The following TENM3 variants were observed in gnomAD, a reference collection of about 807,000 sequenced individuals.
TENM3 encodes teneurin-3.
Under a neutral mutation model 255.1 loss-of-function variants are expected in TENM3, and 63 were observed. That is an observed-to-expected ratio of 0.25 (90% CI 0.20 to 0.30). TENM3 has a LOEUF of 0.30. Among genes scored for constraint, TENM3 ranks in the 10% least tolerant of loss-of-function variants. TENM3 has a pLI of 1.00. For synonymous variants in TENM3, 1,306 were observed against 1,322.3 expected (o/e 0.99, Z 0.27); for missense variants, 2,929 against 3,461.1 (o/e 0.85, Z 3.86).
At chr4:181,745,720 G>A in the TENM3 span, among the ~76,000 whole-genome samples, 1 of 152,166 alleles carries the variant, frequency 6.6e-6, no homozygotes, top group Non-Finnish European at 1.5e-5. Flanking sequence ...ATCAGCTGAG[G>A]CTGAGGATTG....
At chr4:181,887,884 C>T in the TENM3 span, among the ~76,000 whole-genome samples, 1 of 152,268 alleles carries the variant, frequency 6.6e-6, no homozygotes, top group Non-Finnish European at 1.5e-5. Flanking sequence ...AAGGATTTAA[C>T]TTTTGGCTAT....
At chr4:182,657,503 T>A (rs918592089) in intron 6 of TENM3, among the ~76,000 whole-genome samples, 37 of 152,188 alleles carry the variant, frequency 2.4e-4, no homozygotes, top group Non-Finnish European at 2.9e-4. Flanking sequence ...TCCCATTCTC[T>A]CTTCAGAATG....
intron 3 of TENM3, among the ~76,000 whole-genome samples, chr4:182,514,060 G>A (rs1312964718): frequency 6.6e-6 from 1 of 152,160 alleles, no homozygotes; most frequent in Non-Finnish European, 1.5e-5. Flanking sequence ...GCTTCTTTTT[G>A]TGGCCCTGTT....
rs201572631 is a variant in TENM3 at position 182,255,150 on chromosome 4, G to T, written c.-76+11674G>T. 2.3e-4 allele frequency among the ~76,000 whole-genome samples: 35 copies of T among 152,166 alleles called. No individual in the cohort carries two copies. In the East Asian group the frequency reaches 5.2e-3, roughly 23 times the overall value. ...TAGAGCTTAATTTTTGTGTCATTTGGCAAGGATGACAGCCCTGTGGGACCC... is the reference window on the plus strand; with the variant it reads ...TAGAGCTTAATTTTTGTGTCATTTGTCAAGGATGACAGCCCTGTGGGACCC... On this transcript the variant is annotated intron_variant, in intron 1 of 27. Transcript: ENST00000511685.
chr4:182,480,052 AGG>A (rs1426163883), intron 3 of TENM3, among the ~76,000 whole-genome samples: 3 of 152,020 alleles, frequency 2.0e-5, no homozygotes, highest in African/African-American at 7.2e-5. Context: ...GGATAGCAAC[AGG>A]AAGTATTTGA....
intron 1 of TENM3, chr4:182,145,266 GA>G: frequency 6.6e-6 from 1 of 152,392 alleles, no homozygotes; most frequent in Non-Finnish European, 1.5e-5. Flanking sequence ...GAGCCAAGTT[GA>G]AAAGGAGTGA....
the TENM3 span, among the ~76,000 whole-genome samples, chr4:181,491,174 TA>T: frequency 6.6e-6 from 1 of 152,080 alleles, no homozygotes; most frequent in Non-Finnish European, 1.5e-5. Flanking sequence ...CTGACTTTAT[TA>T]AGACAGAATG....
At chr4:182,093,046 C>T in the TENM3 span, among the ~76,000 whole-genome samples, 1 of 152,282 alleles carries the variant, frequency 6.6e-6, no homozygotes, top group South Asian at 2.1e-4. Context: ...CTCTTAATGT[C>T]ACTTGACTAT....
chr4:182,089,426 C>G, the TENM3 span, among the ~76,000 whole-genome samples: 365 of 152,258 alleles, frequency 2.4e-3, 1 homozygote, highest in Non-Finnish European at 4.4e-3. Flanking sequence ...TATGCCCCAA[C>G]CTAAATCTTT....
At chr4:182,329,878 T>C (rs765770945) in intron 2 of TENM3, among the ~76,000 whole-genome samples, 3 of 152,106 alleles carry the variant, frequency 2.0e-5, no homozygotes, top group African/African-American at 7.2e-5. Flanking sequence ...GACAACACCA[T>C]GCACACACAC....
the TENM3 span, among the ~76,000 whole-genome samples, chr4:181,634,413 T>C: frequency 6.7e-6 from 1 of 149,896 alleles, no homozygotes. Flanking sequence ...TGCAAGAGAC[T>C]TTATTTCCTT....
intron 3 of TENM3, among the ~76,000 whole-genome samples, chr4:182,383,223 G>C (rs1767688064): frequency 1.3e-5 from 2 of 152,108 alleles, no homozygotes; most frequent in South Asian, 4.1e-4. Flanking sequence ...CTGATGGTAG[G>C]CCAAGGACTT....
chr4:182,010,851 G>A, the TENM3 span, among the ~76,000 whole-genome samples: 1 of 152,144 alleles, frequency 6.6e-6, no homozygotes, highest in Non-Finnish European at 1.5e-5. Context: ...TAAATCCAAG[G>A]AACAAGTTTA....
Position 182,530,109 on chromosome 4 carries a change from A to G in TENM3, c.512-70815A>G, listed in dbSNP as rs960174614. Among the ~76,000 whole-genome samples the G allele has an allele frequency of 3.9e-5, 6 of 152,374 alleles. 2 individuals carry two copies. Among genetic ancestry groups the G allele is most frequent in the Admixed American group, 3.9e-4 (6 of 15,308 alleles). Reference sequence around the variant, plus strand: ...AAATTGTAGATGTGGCCAACATCTCATCCACAACTTGTTCACAAACATATT... The same window carrying G: ...AAATTGTAGATGTGGCCAACATCTCGTCCACAACTTGTTCACAAACATATT... On this transcript the variant is annotated intron_variant, in intron 3 of 27. Coordinates refer to ENST00000511685, the MANE Select transcript of TENM3 (RefSeq NM_001080477.4).
At chr4:181,870,532 G>A in the TENM3 span, among the ~76,000 whole-genome samples, 1 of 152,048 alleles carries the variant, frequency 6.6e-6, no homozygotes, top group Non-Finnish European at 1.5e-5. Context: ...TTATCCTTAT[G>A]ACTAATGATG....
intron 3 of TENM3, among the ~76,000 whole-genome samples, chr4:182,384,318 T>C (rs1442771586): frequency 6.6e-6 from 1 of 151,764 alleles, no homozygotes. Context: ...TCAGTTTTTT[T>C]TTTTTTCTTG....
the TENM3 span, among the ~76,000 whole-genome samples, chr4:181,662,714 C>T: frequency 6.6e-6 from 1 of 152,162 alleles, no homozygotes; most frequent in Non-Finnish European, 1.5e-5. Flanking sequence ...TGAAGTAATC[C>T]ATGGAACAAT....
the TENM3 span, among the ~76,000 whole-genome samples, chr4:181,967,806 G>T: frequency 7.2e-5 from 11 of 152,120 alleles, no homozygotes; most frequent in Admixed American, 3.3e-4. Flanking sequence ...AGCCACCGAC[G>T]TGGCTGGCGT....
At chr4:181,481,095 A>T in the TENM3 span, among the ~76,000 whole-genome samples, 1 of 151,240 alleles carries the variant, frequency 6.6e-6, no homozygotes, top group African/African-American at 2.4e-5. Context: ...ACTTGAGGAT[A>T]ACACTTTAAG....
Sources: allele counts gnomAD v4.1 joint callset (sites outside exome capture counted in the v4.1 genomes callset), GRCh38; gene constraint gnomAD v4.1.1; transcripts MANE v1.5; gene names NCBI Gene and HGNC (gene_info 2026-07-23, HGNC 2026-07-21).